The following KCMF1 variants were observed in gnomAD, a reference collection of about 807,000 sequenced individuals.
KCMF1 encodes E3 ubiquitin-protein ligase KCMF1.
Under a neutral mutation model 41.1 loss-of-function variants are expected in KCMF1, and 3 were observed. That is an observed-to-expected ratio of 0.07 (90% CI 0.03 to 0.19). The LOEUF (loss-of-function observed/expected upper bound fraction) is 0.19, where lower values mean the gene tolerates loss of function less well. Among genes scored for constraint, KCMF1 ranks in the 10% least tolerant of loss-of-function variants. The pLI is 1.00. For synonymous variants in KCMF1, 142 were observed against 164.5 expected (o/e 0.86, Z 1.04); for missense variants, 286 against 488.9 (o/e 0.58, Z 3.91).
At chr2:84,977,792 A>G (rs970239307) in intron 1 of KCMF1, among the ~76,000 whole-genome samples, 2 of 152,158 alleles carry the variant, frequency 1.3e-5, no homozygotes, top group African/African-American at 2.4e-5. Context: ...AAGAATGTAA[A>G]TTTATGGGAA....
At chr2:84,978,295 C>G (rs1433529900) in intron 1 of KCMF1, among the ~76,000 whole-genome samples, 1 of 152,178 alleles carries the variant, frequency 6.6e-6, no homozygotes, top group African/African-American at 2.4e-5. Context: ...CCGTGCCCAG[C>G]CTTAGCAGCA....
intron 1 of KCMF1, among the ~76,000 whole-genome samples, chr2:84,996,693 C>T (rs1674186069): frequency 6.6e-6 from 1 of 152,058 alleles, no homozygotes; most frequent in African/African-American, 2.4e-5. Context: ...GCCTCGGCCT[C>T]CTAAACTGCT....
chr2:85,054,225 T>TA lies in KCMF1; in HGVS notation c.*819dup, dbSNP rs1243024202. On this transcript the variant is annotated 3_prime_UTR_variant, in exon 7 of 7. Coordinates refer to ENST00000409785, the MANE Select transcript of KCMF1 (RefSeq NM_020122.5). Reference sequence around the variant, plus strand: ...GGTTGTTTAAAATTTTTTCAATTGTTAAATATGTTTTATTCAGGTGTAGAT... The same window carrying TA: ...GGTTGTTTAAAATTTTTTCAATTGTTAAAATATGTTTTATTCAGGTGTAGAT... 6.6e-6 allele frequency: 1 copy of TA among 152,272 alleles called. No individual in the cohort carries two copies. Among genetic ancestry groups the TA allele is most frequent in the African/African-American group, 2.4e-5 (1 of 41,476 alleles). 9.4% of individuals were successfully genotyped at this position (152,272 alleles called of 1,614,324 possible). A position where few individuals can be genotyped will look rare whatever the true frequency, so the allele number is the denominator to read the frequency against.
rs199701778 is a variant in KCMF1 at position 84,993,902 on chromosome 2, T to TTTTTGTTTTG, written c.16+22489_16+22498dup. ...ACCCCCCATTTTTGAGTTTGAACAT[T>TTTTTGTTTTG]TTTTGTTTTGTTTTGTTTTGTTTTG... On this transcript the variant is annotated intron_variant, in intron 1 of 6. Coordinates refer to ENST00000409785, the MANE Select transcript of KCMF1 (RefSeq NM_020122.5). 2.3e-3 allele frequency among the ~76,000 whole-genome samples: 314 copies of TTTTTGTTTTG among 135,396 alleles called. 5 individuals are homozygous for TTTTTGTTTTG. The highest frequency in any genetic ancestry group is 8.5e-3 in the African/African-American group (297 of 35,118). 88.8% of individuals were successfully genotyped at this position (135,396 alleles called of 152,430 possible). A position where few individuals can be genotyped will look rare whatever the true frequency, so the allele number is the denominator to read the frequency against.
At chr2:85,042,054 G>A (rs1675553252) in intron 3 of KCMF1, among the ~76,000 whole-genome samples, 1 of 152,092 alleles carries the variant, frequency 6.6e-6, no homozygotes. Flanking sequence ...CACCTTCCTG[G>A]CATCTTCTAA....
chr2:84,973,034 G>T (rs1221154558), intron 1 of KCMF1, among the ~76,000 whole-genome samples: 4 of 152,184 alleles, frequency 2.6e-5, no homozygotes, highest in African/African-American at 9.7e-5. Flanking sequence ...GTTATAATCA[G>T]TTTTCAATTT....
intron 1 of KCMF1, among the ~76,000 whole-genome samples, chr2:85,014,558 T>G (rs532910384): frequency 1.3e-5 from 2 of 151,738 alleles, no homozygotes; most frequent in South Asian, 2.1e-4. Context: ...TTTCTTTTTT[T>G]GGGAAAGTTG....
intron 5 of KCMF1, among the ~76,000 whole-genome samples, chr2:85,047,398 C>T (rs973760611): frequency 3.9e-5 from 6 of 152,094 alleles, no homozygotes; most frequent in Non-Finnish European, 7.4e-5. Context: ...TGCAAGGCGC[C>T]TCATGGCTTC....
intron 2 of KCMF1, among the ~76,000 whole-genome samples, chr2:85,031,405 T>C (rs997578412): frequency 1.3e-5 from 2 of 152,242 alleles, no homozygotes; most frequent in Non-Finnish European, 2.9e-5. Context: ...GTTCAGCTTA[T>C]GCTTTTTTTA....
chr2:85,016,038 A>T (rs1284189516), intron 1 of KCMF1, among the ~76,000 whole-genome samples: 5 of 152,228 alleles, frequency 3.3e-5, no homozygotes, highest in African/African-American at 1.2e-4. Flanking sequence ...AAAAAAAAGT[A>T]GAAAAGCCGA....
chr2:85,034,930 C>CT, intron 2 of KCMF1, 86 bp from the exon 3 acceptor site: 1 of 1,213,776 alleles, frequency 8.2e-7, no homozygotes, highest in East Asian at 2.5e-5. Flanking sequence ...CCCACACTTT[C>CT]TTTTTTACAT....
Position 85,024,581 on chromosome 2 carries a change from A to T in KCMF1, c.17-3308A>T, listed in dbSNP as rs868122364. 4.2e-3 allele frequency among the ~76,000 whole-genome samples: 576 copies of T among 137,586 alleles called. 2 individuals carry two copies. The highest frequency in any genetic ancestry group is 0.014 in the African/African-American group (536 of 37,432). The allele number at this position is 137,586 out of a possible 152,430, so 90.3% of individuals were successfully genotyped here. A position where few individuals can be genotyped will look rare whatever the true frequency, so the allele number is the denominator to read the frequency against. ...GAGAGAGAGAGAGAGAGAGAGAGAG[A>T]GAGTGTGTGTGTGTGTGTGTGTGTG... is the stretch of plus-strand genomic sequence containing the variant. On this transcript the variant is annotated intron_variant, in intron 1 of 6. Transcript: ENST00000409785.
At position 85,058,457 on chromosome 2, in the gene KCMF1, A is replaced by G. The variant is rs1367066631; in HGVS notation, c.*5048A>G. 2.0e-5 allele frequency: 3 copies of G among 152,170 alleles called. No homozygotes were observed. Among genetic ancestry groups the G allele is most frequent in the Non-Finnish European group, 4.4e-5 (3 of 68,046 alleles). 9.4% of individuals were successfully genotyped at this position (152,170 alleles called of 1,614,324 possible). A position where few individuals can be genotyped will look rare whatever the true frequency, so the allele number is the denominator to read the frequency against. On this transcript the variant is annotated 3_prime_UTR_variant, in exon 7 of 7. Transcript: ENST00000409785. Reference sequence around the variant, plus strand: ...GGGGCTGCTTTCCACAGGCCTGGATAATGATGTTTCTCTTCAAGGAGGCCT... The same window carrying G: ...GGGGCTGCTTTCCACAGGCCTGGATGATGATGTTTCTCTTCAAGGAGGCCT...
intron 1 of KCMF1, among the ~76,000 whole-genome samples, chr2:85,025,466 G>T (rs1471726891): frequency 6.6e-6 from 1 of 152,082 alleles, no homozygotes; most frequent in African/African-American, 2.4e-5. Flanking sequence ...TCCATCTCCA[G>T]AATTCTTCCA....
At chr2:85,007,082 CAA>C (rs1288030445) in intron 1 of KCMF1, among the ~76,000 whole-genome samples, 23 of 86,122 alleles carry the variant, frequency 2.7e-4, no homozygotes, top group Admixed American at 8.0e-4. Flanking sequence ...GCCTGGGCAA[CAA>C]GAGCAAAACT....
intron 1 of KCMF1, among the ~76,000 whole-genome samples, chr2:85,008,335 A>AATGATATATATTAT (rs1558573518): frequency 0.017 from 253 of 14,876 alleles, 14 homozygotes; most frequent in African/African-American, 0.026. Flanking sequence ...TATAATATAT[A>AATGATATATATTAT]ATATGATATA....
intron 1 of KCMF1, among the ~76,000 whole-genome samples, chr2:84,980,641 C>CTT (rs367965209): frequency 2.1e-5 from 3 of 143,914 alleles, no homozygotes; most frequent in African/African-American, 5.1e-5. Flanking sequence ...AGCCTCATAT[C>CTT]TTTTTTTTTT....
intron 1 of KCMF1, among the ~76,000 whole-genome samples, chr2:85,009,703 A>C (rs1012329357): frequency 7.2e-5 from 11 of 151,852 alleles, no homozygotes; most frequent in Non-Finnish European, 1.5e-4. Flanking sequence ...TGATATACTT[A>C]CTTAATCCCT....
chr2:85,048,088 G>A (rs887029273), intron 5 of KCMF1, among the ~76,000 whole-genome samples: 1 of 151,958 alleles, frequency 6.6e-6, no homozygotes, highest in African/African-American at 2.4e-5. Flanking sequence ...ACCTTCACAT[G>A]TACCCCCAAA....
Sources: gnomAD v4.1 joint callset for allele counts (sites outside exome capture counted in the v4.1 genomes callset) on GRCh38, gnomAD v4.1.1 for gene constraint, MANE v1.5 for transcripts, NCBI Gene and HGNC (gene_info 2026-07-23, HGNC 2026-07-21) for gene names.